The following IGF2R variants were observed in gnomAD, a reference collection of about 807,000 sequenced individuals.
IGF2R encodes insulin like growth factor 2 receptor.
A neutral mutation model predicts 270.6 loss-of-function variants in IGF2R; 91 were observed. That is an observed-to-expected ratio of 0.34 (90% CI 0.28 to 0.40). The LOEUF (loss-of-function observed/expected upper bound fraction) is 0.40. IGF2R is among the 10% of genes least tolerant of loss of function. IGF2R has a pLI of 1.00. For synonymous variants in IGF2R, 1,316 were observed against 1,258.9 expected, an observed-to-expected ratio of 1.05 and a Z score of -0.96; for missense variants, 2,805 against 3,188.3, an observed-to-expected ratio of 0.88 and a Z score of 2.90.
At chr6:160,104,545 ACTGTGAGGACAGTGG>A in intron 47 of IGF2R, 114 bp from the exon 48 acceptor site, 2 of 891,160 alleles carry the variant, frequency 2.2e-6, no homozygotes, top group Non-Finnish European at 3.5e-6. Flanking sequence ...AGATGCAGTG[ACTGTGAGGACAGTGG>A]GCCAGTTCTT....
At position 160,079,686 on chromosome 6, in the gene IGF2R, A is replaced by G. The variant is rs762813165; in HGVS notation, c.5585A>G (p.Lys1862Arg). 30 of 1,549,228 alleles carry G rather than the reference A, an allele frequency of 1.9e-5. No homozygotes were observed. Among genetic ancestry groups the G allele is most frequent in the Non-Finnish European group, 2.4e-5 (28 of 1,150,184 alleles). ...GGAGTCTGTCTGCTCTCAGGCACCAAGGGGGCATCCTTTGGACGGCTGCAA... is the reference window on the plus strand; with the variant it reads ...GGAGTCTGTCTGCTCTCAGGCACCAGGGGGGCATCCTTTGGACGGCTGCAA... Reference protein sequence around the residue: ...DGGVCLLSGTKGASFGRLQSM... With the variant: ...DGGVCLLSGTRGASFGRLQSM... The change falls in exon 38 of 48, where the codon AAG (lysine) becomes AGG (arginine). Residue 1862 changes from lysine to arginine, a missense_variant. Physicochemically the swap from Lys to Arg is conservative, Grantham distance 26 (BLOSUM62 2). Transcript: ENST00000356956.
chr6:160,021,298 A>G (rs1369365446), intron 4 of IGF2R, among the ~76,000 whole-genome samples: 2 of 151,976 alleles, frequency 1.3e-5, no homozygotes, highest in Non-Finnish European at 2.9e-5. Flanking sequence ...TTGTAGGGAC[A>G]TGAATGAAAC....
At chr6:160,064,353 G>T in intron 27 of IGF2R, 48 bp from the exon 28 acceptor site, 1 of 1,613,094 alleles carries the variant, frequency 6.2e-7, no homozygotes, top group South Asian at 1.1e-5. Context: ...AAGTTTGACA[G>T]CCTAGGGACC....
chr6:160,060,475 C>A, intron 22 of IGF2R, 72 bp from the exon 23 acceptor site: 2 of 1,477,446 alleles, frequency 1.4e-6, no homozygotes, highest in Non-Finnish European at 9.4e-7. Context: ...TGTCCTGTTG[C>A]TGCACTGTGC....
chr6:159,989,074 C>G (rs533532589), intron 1 of IGF2R, among the ~76,000 whole-genome samples: 10 of 152,248 alleles, frequency 6.6e-5, no homozygotes, highest in African/African-American at 2.4e-4. Context: ...GGGTATCACC[C>G]TAAGATTGGG....
chr6:160,065,812 GTGTATATATATATA>G (rs1330069415), intron 29 of IGF2R, among the ~76,000 whole-genome samples: 16 of 69,364 alleles, frequency 2.3e-4, no homozygotes, highest in African/African-American at 8.2e-4. Context: ...GTGTGTGTGT[GTGTATATATATATA>G]TATATATATA....
In IGF2R at chr6:159,969,198, G is replaced by A; in HGVS notation, c.-49G>A. The A allele has an allele frequency of 1.0e-6, 1 of 978,268 alleles. No individual in the cohort carries two copies. The highest frequency in any genetic ancestry group is 4.6e-5 in the South Asian group (1 of 21,680). 60.6% of individuals were successfully genotyped at this position (978,268 alleles called of 1,614,324 possible). ...CCCGTCCCGGGCGCGGCCCCCAGCA[G>A]TCGCGCGCCGTTAGCCTCGCGCCCG... On this transcript the variant is annotated 5_prime_UTR_variant, in exon 1 of 48. Coordinates refer to ENST00000356956, the MANE Select transcript of IGF2R (RefSeq NM_000876.4).
intron 1 of IGF2R, among the ~76,000 whole-genome samples, chr6:159,986,938 A>G (rs1783897391): frequency 6.6e-6 from 1 of 152,228 alleles, no homozygotes; most frequent in Non-Finnish European, 1.5e-5. Context: ...ATTTTCTAAC[A>G]GACAAACTTT....
intron 1 of IGF2R, among the ~76,000 whole-genome samples, chr6:159,989,910 A>G (rs932751557): frequency 3.9e-5 from 6 of 152,240 alleles, no homozygotes; most frequent in African/African-American, 1.4e-4. Flanking sequence ...ATTTTGTCCC[A>G]AGTATACTGA....
intron 19 of IGF2R, among the ~76,000 whole-genome samples, chr6:160,053,829 A>G (rs192107614): frequency 6.2e-4 from 94 of 152,256 alleles, no homozygotes; most frequent in African/African-American, 1.9e-3. Context: ...CTGTCACCTC[A>G]GCCTCCTGAG....
At position 160,084,125 on chromosome 6, in the gene IGF2R, C is replaced by T. The variant is rs771414452; in HGVS notation, c.6009C>T (p.Tyr2003=). 40 of 1,614,036 alleles carry T rather than the reference C, an allele frequency of 2.5e-5. No homozygotes were observed. The East Asian group carries it at 3.1e-4, about 13-fold the overall frequency. The change falls in exon 40 of 48, where the codon TAC becomes TAT. Residue 2003 remains tyrosine, a synonymous_variant. Coordinates refer to ENST00000356956, the MANE Select transcript of IGF2R (RefSeq NM_000876.4). The surrounding 1 kb of genome is among the most constrained non-coding windows in gnomAD (Gnocchi z 4.6). Reference sequence around the variant, plus strand: ...AATTCGTCCAGAAACACAAAACCTACGACCTGCGGCTGCTCTCCTCTCTCA... The same window carrying T: ...AATTCGTCCAGAAACACAAAACCTATGACCTGCGGCTGCTCTCCTCTCTCA... The part of the protein sequence containing the change: ...ECKFVQKHKT[Y]DLRLLSSLTG...
intron 10 of IGF2R, 45 bp downstream of exon 10, chr6:160,034,567 G>T: frequency 2.4e-6 from 3 of 1,246,008 alleles, no homozygotes; most frequent in Middle Eastern, 1.9e-4. Context: ...GCATTCATGG[G>T]CATGTGCTTG....
At chr6:160,028,203 G>A (rs1777608082) in intron 6 of IGF2R, among the ~76,000 whole-genome samples, 1 of 152,172 alleles carries the variant, frequency 6.6e-6, no homozygotes, top group Admixed American at 6.5e-5. Flanking sequence ...CTCTCTCCTT[G>A]GCTCGTTAGA....
intron 4 of IGF2R, among the ~76,000 whole-genome samples, chr6:160,021,294 G>A (rs1300052336): frequency 6.6e-6 from 1 of 151,708 alleles, no homozygotes; most frequent in Admixed American, 6.6e-5. Flanking sequence ...TCCTTTGTAG[G>A]GACATGAATG....
intron 1 of IGF2R, among the ~76,000 whole-genome samples, chr6:159,975,612 A>G (rs1167489295): frequency 6.6e-6 from 1 of 151,108 alleles, no homozygotes; most frequent in Non-Finnish European, 1.5e-5. Flanking sequence ...CAAAAGACCA[A>G]TACTAGGACT....
intron 1 of IGF2R, among the ~76,000 whole-genome samples, chr6:159,988,966 T>A (rs1246419226): frequency 1.3e-5 from 2 of 152,150 alleles, no homozygotes; most frequent in African/African-American, 4.8e-5. Context: ...CCAGTAATAC[T>A]TGGGTTATTT....
rs534827609 is a variant in IGF2R, at chr6:160,024,582, A to G, written c.524A>G (p.Tyr175Cys). 11 of 1,613,862 alleles carry G rather than the reference A, an allele frequency of 6.8e-6. No homozygotes were observed. Among genetic ancestry groups the G allele is most frequent in the East Asian group, 2.2e-5 (1 of 44,892 alleles). ...IFKANKEVPC[Y>C]VFDEELRKHD... ...CTTCCTCCCTTCCAGGTGCCATGCT[A>G]TGTGTTTGATGAAGAGTTGAGGAAG... The change falls in exon 5 of 48, where the codon TAT becomes TGT. Residue 175 changes from tyrosine (Y) to cysteine (C), a missense_variant. This residue lies in a region of IGF2R where 954 missense variants were observed against 981.1 expected (regional missense o/e 0.97). Coordinates refer to ENST00000356956, the MANE Select transcript of IGF2R (RefSeq NM_000876.4).
intron 44 of IGF2R, chr6:160,095,004 G>A (rs1779318301): frequency 6.6e-6 from 1 of 151,586 alleles, no homozygotes; most frequent in South Asian, 2.1e-4. Context: ...ACTCTTCTCT[G>A]TCATCAAAGG....
At chr6:159,981,941 C>G (rs1006635699) in intron 1 of IGF2R, among the ~76,000 whole-genome samples, 1 of 152,182 alleles carries the variant, frequency 6.6e-6, no homozygotes, top group Non-Finnish European at 1.5e-5. Context: ...TTTGGCATTT[C>G]CCTGCTTCTA....
Sources: allele counts gnomAD v4.1 joint callset (sites outside exome capture counted in the v4.1 genomes callset), GRCh38; gene constraint gnomAD v4.1.1; regional missense constraint gnomAD v4.1.1; non-coding constraint Gnocchi (gnomAD v3.1); transcripts MANE v1.5; gene names NCBI Gene and HGNC (gene_info 2026-07-23, HGNC 2026-07-21).